Variants in CEMIP observed in about 807,000 individuals in gnomAD.
The protein encoded by CEMIP is cell migration-inducing and hyaluronan-binding protein.
Under a neutral mutation model 156.9 loss-of-function variants are expected in CEMIP, and 105 were observed. The ratio of observed to expected loss-of-function variants is 0.67; its 90% confidence interval spans 0.57 to 0.79. CEMIP has a LOEUF of 0.79. Among genes scored for constraint, CEMIP ranks in the 30% least tolerant of loss-of-function variants. The pLI is 0.00. For synonymous variants in CEMIP, 676 were observed against 668.4 expected, an observed-to-expected ratio of 1.01 and a Z score of -0.17; for missense variants, 1,457 against 1,769.4, an observed-to-expected ratio of 0.82 and a Z score of 3.17.
chr15:80,830,733 C>T (rs1314368531), intron 1 of CEMIP, among the ~76,000 whole-genome samples: 1 of 151,994 alleles, frequency 6.6e-6, no homozygotes, highest in Non-Finnish European at 1.5e-5. Flanking sequence ...ATGTTTTTAG[C>T]TTATCTAATC....
At chr15:80,909,598 A>G (rs2141895010) in intron 14 of CEMIP, 1 of 505,602 alleles carries the variant, frequency 2.0e-6, no homozygotes, top group East Asian at 5.5e-5. Context: ...AAATCTGGAG[A>G]TCATTCCACG....
At chr15:80,879,681 T>C (rs1398534973) in intron 4 of CEMIP, 35 bp from the exon 5 acceptor site, 1 of 1,613,840 alleles carries the variant, frequency 6.2e-7, no homozygotes, top group East Asian at 2.2e-5. Flanking sequence ...CTTAACACTG[T>C]GTTATTAAAC....
intron 10 of CEMIP, among the ~76,000 whole-genome samples, chr15:80,890,046 C>T (rs1462929399): frequency 6.6e-6 from 1 of 152,202 alleles, no homozygotes; most frequent in Non-Finnish European, 1.5e-5. Flanking sequence ...ACAGTGTTTG[C>T]TCAAAATCTT....
At chr15:80,799,332 A>AAAT (rs769040208) in intron 1 of CEMIP, among the ~76,000 whole-genome samples, 13 of 152,194 alleles carry the variant, frequency 8.5e-5, no homozygotes, top group Non-Finnish European at 1.8e-4. Context: ...TTAGGAGAGG[A>AAAT]AATAGATGGC....
chr15:80,936,589 G>C, intron 23 of CEMIP, 85 bp from the exon 24 acceptor site: 2 of 1,223,632 alleles, frequency 1.6e-6, no homozygotes, highest in Non-Finnish European at 2.4e-6. Context: ...TGAAAGTGCG[G>C]TCTATAGTCA....
chr15:80,881,433 T>C (rs1403432542), intron 6 of CEMIP, among the ~76,000 whole-genome samples: 1 of 152,064 alleles, frequency 6.6e-6, no homozygotes, highest in Non-Finnish European at 1.5e-5. Flanking sequence ...GAAGACCACT[T>C]TGGATAGGGT....
chr15:80,933,344 G>C lies in CEMIP; in HGVS notation c.2893G>C (p.Val965Leu), dbSNP rs199927022. 6.2e-7 allele frequency: 1 copy of C among 1,614,072 alleles called. No homozygotes were observed. ...TGTGTTCCATGACGTCGACGGCTCC[G>C]TGTCCGAGTACCCTGGCTCCTACCT... ...TSVFHDVDGS[V>L]SEYPGSYLTK... The change falls in exon 23 of 30, where the codon GTG (valine) becomes CTG (leucine). Residue 965 changes from valine (V) to leucine (L), a missense_variant. Physicochemically the swap from Val to Leu is conservative, Grantham distance 32. This residue lies in a region of CEMIP where 798 missense variants were observed against 980.1 expected (regional missense o/e 0.81). Coordinates refer to ENST00000394685, the MANE Select transcript of CEMIP (RefSeq NM_001293298.2).
intron 5 of CEMIP, 151 bp downstream of exon 5, chr15:80,880,005 A>T (rs1205255400): frequency 2.5e-5 from 23 of 917,778 alleles, no homozygotes; most frequent in Non-Finnish European, 3.8e-5. Flanking sequence ...CAAGACAGAC[A>T]TGGTGATTTG....
At chr15:80,945,555 CAGCCTTCCTCAAGGGCCTG>C (rs1246723606) in intron 28 of CEMIP, among the ~76,000 whole-genome samples, 2 of 152,234 alleles carry the variant, frequency 1.3e-5, no homozygotes, top group Non-Finnish European at 2.9e-5. Flanking sequence ...CCTCCCTCTC[CAGCCTTCCTCAAGGGCCTG>C]AGGCAGCCCC....
intron 14 of CEMIP, 81 bp from the exon 15 acceptor site, chr15:80,920,013 T>A: frequency 7.9e-7 from 1 of 1,260,060 alleles, no homozygotes; most frequent in Non-Finnish European, 1.2e-6. Flanking sequence ...CACATGAGAC[T>A]ATTTAGTGTT....
Position 80,889,561 on chromosome 15 carries a change from GA to G in CEMIP, c.1060del (p.Ile354TyrfsTer54). The G allele has an allele frequency of 6.2e-7, 1 of 1,614,138 alleles. No homozygotes were observed. Among genetic ancestry groups the G allele is most frequent in the Non-Finnish European group, 8.5e-7 (1 of 1,180,012 alleles). On this transcript the variant is annotated frameshift_variant, in exon 10 of 30. Coordinates refer to ENST00000394685, the MANE Select transcript of CEMIP (RefSeq NM_001293298.2). LOFTEE classifies it high-confidence loss of function. ...KISDLWKAHP[G>X]KICNRPIDIQ... ...TCAGACCTCTGGAAAGCTCACCCAG[GA>G]AAAATATGCAATCGTCCCATTGATA...
rs568481938 is a variant in CEMIP, at chr15:80,921,607, G to C, written c.2074-402G>C. Among the ~76,000 whole-genome samples the C allele has an allele frequency of 3.9e-5, 6 of 152,274 alleles. No individual in the cohort carries two copies. The East Asian group carries it at 9.7e-4, about 25-fold the overall frequency. ...CACACAGCCCTGCTCTCACCCACCC[G>C]TCCATGCTGCTGGCCTTCCATGGGA... On this transcript the variant is annotated intron_variant, in intron 16 of 29. Coordinates refer to ENST00000394685, the MANE Select transcript of CEMIP (RefSeq NM_001293298.2).
chr15:80,936,777 C>A lies in CEMIP; in HGVS notation c.3113C>A (p.Thr1038Asn). The stretch of plus-strand genomic sequence containing the variant: ...CTGGAGGGGGCGCTCACCAGGAGCA[C>A]CCATTACCAGCAATACCAACCGGTT... ...LYLEGALTRS[T>N]HYQQYQPVVT... Residue 1038 changes from threonine (T) to asparagine (N), a missense_variant, in exon 24 of 30, where the codon ACC becomes AAC. By Grantham distance (65) the Thr-to-Asn change is moderately conservative (BLOSUM62 0). Coordinates refer to ENST00000394685, the MANE Select transcript of CEMIP (RefSeq NM_001293298.2). 1.2e-6 allele frequency: 2 copies of A among 1,614,194 alleles called. No individual in the cohort carries two copies. Among genetic ancestry groups the A allele is most frequent in the Non-Finnish European group, 1.7e-6 (2 of 1,180,022 alleles).
At chr15:80,882,895 G>A (rs1370898839) in intron 6 of CEMIP, among the ~76,000 whole-genome samples, 1 of 152,094 alleles carries the variant, frequency 6.6e-6, no homozygotes, top group Non-Finnish European at 1.5e-5. Flanking sequence ...TACAGAAAAG[G>A]TGGGAAGGAA....
At chr15:80,942,402 G>C (rs1901377729) in intron 27 of CEMIP, 65 bp downstream of exon 27, 2 of 1,328,466 alleles carry the variant, frequency 1.5e-6, no homozygotes, top group African/African-American at 2.9e-5. Context: ...GTGTCCTGCG[G>C]CTGCTGGCAC....
At chr15:80,823,194 G>T (rs12592465) in intron 1 of CEMIP, among the ~76,000 whole-genome samples, 23,525 of 152,192 alleles carry the variant, frequency 0.15, 2,385 homozygotes, top group East Asian at 0.4. Context: ...GTATGCCTCT[G>T]TTTACACCCC....
chr15:80,878,783 G>A lies in CEMIP; in HGVS notation c.157G>A (p.Asp53Asn). ...LQPWNPGHDQ[D>N]HHVHIGQGKT... ...ACCCTGGAACCCTGGCCATGACCAA[G>A]ACCACCATGTGCATATCGGCCAGGG... Residue 53 changes from aspartate to asparagine, a missense_variant, in exon 4 of 30, where the codon GAC becomes AAC. By Grantham distance (23) the Asp-to-Asn change is conservative (BLOSUM62 1). Coordinates refer to ENST00000394685, the MANE Select transcript of CEMIP (RefSeq NM_001293298.2). The A allele has an allele frequency of 6.2e-7, 1 of 1,614,146 alleles. No homozygotes were observed. Among genetic ancestry groups the A allele is most frequent in the Non-Finnish European group, 8.5e-7 (1 of 1,180,030 alleles).
intron 29 of CEMIP, chr15:80,947,559 G>A (rs568605561): frequency 1.2e-4 from 19 of 162,784 alleles, no homozygotes; most frequent in East Asian, 1.7e-4. Context: ...AGGCAGCTTC[G>A]GTGGTGAAGC....
At chr15:80,793,349 T>C (rs769451812) in intron 1 of CEMIP, among the ~76,000 whole-genome samples, 75 of 152,224 alleles carry the variant, frequency 4.9e-4, no homozygotes, top group Non-Finnish European at 9.1e-4. Flanking sequence ...TATTTACTTG[T>C]CATTATGCAT....
Sources: allele counts gnomAD v4.1 joint callset (sites outside exome capture counted in the v4.1 genomes callset), GRCh38; gene constraint gnomAD v4.1.1; regional missense constraint gnomAD v4.1.1; transcripts MANE v1.5; gene names NCBI Gene and HGNC (gene_info 2026-07-23, HGNC 2026-07-21).